The following POC1B variants were observed in gnomAD, a reference collection of about 807,000 sequenced individuals.
The protein encoded by POC1B is POC1 centriolar protein homolog B.
Under a neutral mutation model 60.6 loss-of-function variants are expected in POC1B, and 44 were observed. That is an observed-to-expected ratio of 0.73 (90% CI 0.57 to 0.93). The LOEUF (loss-of-function observed/expected upper bound fraction) is 0.93, where lower values mean the gene tolerates loss of function less well. Among genes scored for constraint, POC1B ranks in the 40% least tolerant of loss-of-function variants. The pLI is 0.00. For missense variants in POC1B, 555 were observed against 572.3 expected (o/e 0.97, Z 0.31); for synonymous variants, 180 against 198.9 (o/e 0.90, Z 0.80).
the POC1B span, among the ~76,000 whole-genome samples, chr12:89,405,749 G>A: frequency 2.0e-5 from 3 of 152,024 alleles, no homozygotes; most frequent in East Asian, 5.8e-4. Flanking sequence ...GAGTCCAGGA[G>A]TTTGAGACCA....
Position 89,525,214 on chromosome 12 carries a change from A to T in POC1B, c.16-10T>A. On this transcript the variant is annotated splice_polypyrimidine_tract_variant and intron_variant, in intron 1 of 11. Transcript: ENST00000313546. ...CCAGAACGGGGTCCTCCTGGAAAGG[A>T]AAGTTGTCAAGTTTTGAAAGCCGCC... The T allele has an allele frequency of 6.2e-7, 1 of 1,603,808 alleles. No individual in the cohort carries two copies. Among genetic ancestry groups the T allele is most frequent in the Non-Finnish European group, 8.5e-7 (1 of 1,175,174 alleles).
At chr12:89,421,792 A>G (rs538086208) in intron 11 of POC1B, among the ~76,000 whole-genome samples, 1 of 152,320 alleles carries the variant, frequency 6.6e-6, no homozygotes, top group East Asian at 1.9e-4. Flanking sequence ...TGCTAATATT[A>G]CCTCGTGGAG....
intron 2 of POC1B, among the ~76,000 whole-genome samples, chr12:89,503,180 T>C (rs1158023744): frequency 1.3e-5 from 2 of 152,120 alleles, no homozygotes; most frequent in Admixed American, 6.5e-5. Context: ...AGCTGGACTG[T>C]ACTGCTGCCA....
the POC1B span, among the ~76,000 whole-genome samples, chr12:89,409,516 G>T: frequency 6.6e-6 from 1 of 152,038 alleles, no homozygotes; most frequent in African/African-American, 2.4e-5. Flanking sequence ...TGCTGTTTTG[G>T]TTACTGTAGC....
rs768667922 is a variant in POC1B at position 89,471,670 on chromosome 12, T to C, written c.620A>G (p.Asp207Gly). ...TACATCCCAGACTTTCACAGTTTGA[T>C]CAGAACCTGCTGAAGCTATGCATGT... Reference protein sequence around the residue: ...SGTCIASAGSDQTVKVWDVRV... With the variant: ...SGTCIASAGSGQTVKVWDVRV... The change falls in exon 6 of 12, where the codon GAT becomes GGT. Residue 207 changes from aspartate to glycine, a missense_variant. Transcript: ENST00000313546. 6.2e-7 allele frequency: 1 copy of C among 1,611,850 alleles called. No homozygotes were observed. The highest frequency in any genetic ancestry group is 1.1e-5 in the South Asian group (1 of 90,768).
At chr12:89,510,976 C>T (rs926373281) in intron 2 of POC1B, among the ~76,000 whole-genome samples, 23 of 151,722 alleles carry the variant, frequency 1.5e-4, no homozygotes, top group African/African-American at 5.6e-4. Flanking sequence ...GCTGGTCTCA[C>T]ACTCCTGGCC....
Position 89,470,484 on chromosome 12 carries a change from A to C in POC1B, c.687T>G (p.Gly229=). The C allele has an allele frequency of 6.2e-7, 1 of 1,600,160 alleles. No homozygotes were observed. ...KLLQHYQVHS[G]GVNCISFHPS... is the part of the protein sequence containing the mutation. ...GATGGAATGATATGCAATTAACTCCACCGCTGTGAACTGATTTGTAGAAAA... is the reference window on the plus strand; with the variant it reads ...GATGGAATGATATGCAATTAACTCCCCCGCTGTGAACTGATTTGTAGAAAA... The change falls in exon 7 of 12, where the codon GGT becomes GGG. Residue 229 remains glycine, a synonymous_variant. Transcript: ENST00000313546.
chr12:89,503,607 C>T (rs1468065619), intron 2 of POC1B, among the ~76,000 whole-genome samples: 3 of 151,486 alleles, frequency 2.0e-5, no homozygotes, highest in Non-Finnish European at 2.9e-5. Flanking sequence ...CGTCTCTGCC[C>T]GGCCGCCCAT....
chr12:89,460,505 T>A (rs1159001149), intron 9 of POC1B, among the ~76,000 whole-genome samples: 1 of 152,168 alleles, frequency 6.6e-6, no homozygotes, highest in Non-Finnish European at 1.5e-5. Context: ...GAAAGCTCAA[T>A]GACGCCAACA....
chr12:89,409,497 C>A, the POC1B span, among the ~76,000 whole-genome samples: 1 of 152,022 alleles, frequency 6.6e-6, no homozygotes, highest in Non-Finnish European at 1.5e-5. Context: ...TGTTTTGGTA[C>A]CAGTACCATG....
chr12:89,440,995 G>A (rs1382833014), intron 10 of POC1B, among the ~76,000 whole-genome samples: 5 of 152,240 alleles, frequency 3.3e-5, no homozygotes, highest in Admixed American at 1.3e-4. Context: ...AGGGTCCCAC[G>A]CCCATGGAGC....
chr12:89,436,240 C>T (rs978688050), intron 10 of POC1B, among the ~76,000 whole-genome samples: 7 of 151,984 alleles, frequency 4.6e-5, no homozygotes, highest in African/African-American at 1.2e-4. Flanking sequence ...CACAAGACAC[C>T]GTGCACGACC....
At chr12:89,407,256 G>T in the POC1B span, among the ~76,000 whole-genome samples, 2 of 151,468 alleles carry the variant, frequency 1.3e-5, no homozygotes, top group Admixed American at 6.6e-5. Flanking sequence ...GTGGGCGGAT[G>T]GAGTCTCATT....
chr12:89,501,659 G>A (rs760199159), intron 2 of POC1B: 32 of 1,123,336 alleles, frequency 2.8e-5, no homozygotes, highest in Non-Finnish European at 4.3e-5. Context: ...ACTGTCACGA[G>A]AAGTCGAAGA....
rs115288356 is a variant in POC1B at position 89,498,152 on chromosome 12, T to A, written c.101-810A>T. Among the ~76,000 whole-genome samples the A allele has an allele frequency of 2.7e-3, 416 of 152,346 alleles. 2 individuals are homozygous for A. The highest frequency in any genetic ancestry group is 8.3e-3 in the African/African-American group (344 of 41,582). On this transcript the variant is annotated intron_variant, in intron 2 of 11. Transcript: ENST00000313546. ...TTATCAACTGATCCAATAATACTTT[T>A]ATAGCTGGATAAGATGATTTTATTA...
chr12:89,457,607 TTTTG>T (rs561034674), intron 10 of POC1B, among the ~76,000 whole-genome samples: 42 of 152,246 alleles, frequency 2.8e-4, no homozygotes, highest in Non-Finnish European at 3.7e-4. Context: ...TTTTCCTGTG[TTTTG>T]TTTGTTTGTT....
rs767799356 is a variant in POC1B at position 89,525,881 on chromosome 12, C to A, written c.15G>T (p.Thr5=). The change falls in exon 1 of 12, where the codon ACG becomes ACT. Residue 5 remains threonine, a splice_region_variant and synonymous_variant. Coordinates refer to ENST00000313546, the MANE Select transcript of POC1B (RefSeq NM_172240.3). The part of the protein sequence containing the change: MASA[T]EDPVLERYFK... ...CCCCCCACCTCCAACCCGTCCTTAC[C>A]GTGGCTGAGGCCATCGGGGGAGTGG... 2.7e-6 allele frequency: 4 copies of A among 1,458,084 alleles called. No homozygotes were observed. Among genetic ancestry groups the A allele is most frequent in the East Asian group, 2.6e-5 (1 of 38,796 alleles). The allele number at this position is 1,458,084 out of a possible 1,614,324, so 90.3% of individuals were successfully genotyped here. A position where few individuals can be genotyped will look rare whatever the true frequency, so the allele number is the denominator to read the frequency against.
At chr12:89,509,033 CT>C (rs2135756177) in intron 2 of POC1B, among the ~76,000 whole-genome samples, 1 of 152,350 alleles carries the variant, frequency 6.6e-6, no homozygotes, top group African/African-American at 2.4e-5. Flanking sequence ...CCTCACCAAA[CT>C]GTCACACACT....
intron 10 of POC1B, among the ~76,000 whole-genome samples, chr12:89,447,942 C>A (rs2120753749): frequency 6.6e-6 from 1 of 152,002 alleles, no homozygotes; most frequent in Non-Finnish European, 1.5e-5. Flanking sequence ...CATGGAGCGA[C>A]TGGACCTCCT....
Sources: allele counts gnomAD v4.1 joint callset (sites outside exome capture counted in the v4.1 genomes callset), GRCh38; gene constraint gnomAD v4.1.1; transcripts MANE v1.5; gene names NCBI Gene and HGNC (gene_info 2026-07-23, HGNC 2026-07-21).